UGT1A3: variants seen among roughly 807,000 people sequenced by gnomAD.
The protein encoded by UGT1A3 is UDP glucuronosyltransferase family 1 member A3.
UGT1A3 carries 31 observed loss-of-function variants against 41.0 expected under a neutral mutation model. The observed-to-expected ratio is 0.76, with a 90% CI of 0.57 to 1.02. UGT1A3 has a LOEUF of 1.02. Ranked by LOEUF, UGT1A3 falls within the 50% of genes least tolerant of loss-of-function variation. The pLI is 0.00. For synonymous variants in UGT1A3, 262 were observed against 257.6 expected (o/e 1.02, Z -0.17); for missense variants, 737 against 671.0 (o/e 1.10, Z -1.09).
At chr2:233,757,782 T>A (rs935250846) in intron 1 of UGT1A3, among the ~76,000 whole-genome samples, 4 of 151,680 alleles carry the variant, frequency 2.6e-5, no homozygotes, top group Admixed American at 6.6e-5. Context: ...AGCCTGTCAT[T>A]CTGATTTGAT....
At chr2:233,749,028 G>A (rs564218690) in intron 1 of UGT1A3, among the ~76,000 whole-genome samples, 2 of 151,604 alleles carry the variant, frequency 1.3e-5, no homozygotes, top group Non-Finnish European at 2.9e-5. Flanking sequence ...AATATTTGGG[G>A]TTCATTGATG....
chr2:233,767,305 GT>G (rs1444114295), intron 2 of UGT1A3, 140 bp downstream of exon 2: 24 of 1,519,088 alleles, frequency 1.6e-5, no homozygotes, highest in Middle Eastern at 1.8e-4. Context: ...TAATCCAAAG[GT>G]TTTTTTTGTT....
chr2:233,754,139 A>G (rs1695404241), intron 1 of UGT1A3, among the ~76,000 whole-genome samples: 1 of 152,234 alleles, frequency 6.6e-6, no homozygotes, highest in South Asian at 2.1e-4. Flanking sequence ...ATTAAAAGCC[A>G]TCATTAAATT....
At chr2:233,735,012 T>C (rs1234170278) in intron 1 of UGT1A3, among the ~76,000 whole-genome samples, 1 of 152,238 alleles carries the variant, frequency 6.6e-6, no homozygotes, top group Non-Finnish European at 1.5e-5. Flanking sequence ...TGGAGAGTTC[T>C]GTAGATGTCT....
chr2:233,747,491 G>A, intron 1 of UGT1A3: 2 of 1,608,968 alleles, frequency 1.2e-6, no homozygotes, highest in South Asian at 2.2e-5. Flanking sequence ...ATCGCCTTGT[G>A]CTGGGCCACA....
chr2:233,746,870 G>C (rs544593514), intron 1 of UGT1A3, among the ~76,000 whole-genome samples: 1 of 151,786 alleles, frequency 6.6e-6, no homozygotes, highest in Admixed American at 6.5e-5. Context: ...CCTGATAAAC[G>C]TGGTTAACAG....
In UGT1A3 at chr2:233,757,558, ATATG is replaced by A. The variant is rs1023713263; in HGVS notation, c.868-9472_868-9469del. Among the ~76,000 whole-genome samples, 45 of 124,442 alleles carry A rather than the reference ATATG, an allele frequency of 3.6e-4. 2 individuals are homozygous for A. The highest frequency in any genetic ancestry group is 1.4e-3 in the African/African-American group (42 of 30,270). 81.6% of individuals were successfully genotyped at this position (124,442 alleles called of 152,430 possible). On this transcript the variant is annotated intron_variant, in intron 1 of 4. Coordinates refer to ENST00000482026, the MANE Select transcript of UGT1A3 (RefSeq NM_019093.4). ...GGAATATATATATATATATATATAT[ATATG>A]TATATATGATATAGCTATAGTCTAA...
intron 1 of UGT1A3, among the ~76,000 whole-genome samples, chr2:233,735,706 TG>T (rs200320435): frequency 0.013 from 1,981 of 152,300 alleles, 51 homozygotes; most frequent in African/African-American, 0.046. Context: ...GCAGGCCTGG[TG>T]GTGACAAAAT....
intron 1 of UGT1A3, among the ~76,000 whole-genome samples, chr2:233,737,794 C>T (rs140109342): frequency 3.4e-4 from 51 of 152,152 alleles, no homozygotes; most frequent in African/African-American, 1.2e-3. Flanking sequence ...TGGCTCAAAT[C>T]TTCACTATCA....
In UGT1A3 at chr2:233,729,460, A is replaced by G; in HGVS notation, c.334A>G (p.Arg112Gly). 2 of 1,614,116 alleles carry G rather than the reference A, an allele frequency of 1.2e-6. No individual in the cohort carries two copies. Among genetic ancestry groups the G allele is most frequent in the Non-Finnish European group, 1.7e-6 (2 of 1,179,986 alleles). Residue 112 changes from arginine to glycine, a missense_variant, in exon 1 of 5, where the codon AGA becomes GGA. Physicochemically the swap from Arg to Gly is moderately radical, Grantham distance 125. Transcript: ENST00000482026. Reference protein sequence around the residue: ...ETEHFLKKFFRSMAMLNNMSL... With the variant: ...ETEHFLKKFFGSMAMLNNMSL... ...AGAACATTTTCTGAAGAAATTTTTC[A>G]GAAGTATGGCAATGTTGAACAATAT...
At position 233,772,301 on chromosome 2, in the gene UGT1A3, G is replaced by A. The variant is rs1384880194; in HGVS notation, c.1347G>A (p.Lys449=). ...TCATGCGCCTCTCCAGCCTTCACAA[G>A]GACCGCCCGGTGGAGCCGCTGGACC... ...ENIMRLSSLH[K]DRPVEPLDLA... The change falls in exon 5 of 5, where the codon AAG becomes AAA. Residue 449 remains lysine (K), a synonymous_variant. Transcript: ENST00000482026. The A allele has an allele frequency of 3.7e-6, 6 of 1,614,106 alleles. No individual in the cohort carries two copies. The highest frequency in any genetic ancestry group is 5.1e-6 in the Non-Finnish European group (6 of 1,180,054).
At chr2:233,764,944 G>A (rs994254200) in intron 1 of UGT1A3, among the ~76,000 whole-genome samples, 1 of 152,160 alleles carries the variant, frequency 6.6e-6, no homozygotes, top group South Asian at 2.1e-4. Flanking sequence ...AGAGTGGCGG[G>A]GAGAGAGGGC....
In UGT1A3 at chr2:233,769,917, G is replaced by C. The variant is rs1699982353; in HGVS notation, c.1307+1478G>C. On this transcript the variant is annotated intron_variant, in intron 4 of 4. Transcript: ENST00000482026. The surrounding 1 kb of genome is among the most constrained non-coding windows in gnomAD (Gnocchi z 4.4). ...CTGAGCATCATGTGCCCAGAGCGTT[G>C]GGTGGTGTGGTCCCATTCCTTCCTT... 6.9e-6 allele frequency: 2 copies of C among 288,250 alleles called. No homozygotes were observed. The highest frequency in any genetic ancestry group is 1.3e-5 in the Non-Finnish European group (2 of 154,420). 17.9% of individuals were successfully genotyped at this position (288,250 alleles called of 1,614,324 possible). A position where few individuals can be genotyped will look rare whatever the true frequency, so the allele number is the denominator to read the frequency against.
intron 1 of UGT1A3, chr2:233,754,506 C>A: frequency 2.8e-6 from 1 of 356,440 alleles, no homozygotes; most frequent in South Asian, 2.1e-5. Flanking sequence ...GTCCGCTATT[C>A]CTCCAGATGT....
At chr2:233,762,916 A>C (rs1698195607) in intron 1 of UGT1A3, among the ~76,000 whole-genome samples, 2 of 152,252 alleles carry the variant, frequency 1.3e-5, no homozygotes, top group African/African-American at 4.8e-5. Flanking sequence ...TATTGAATTT[A>C]TTAGAATCTC....
In UGT1A3 at chr2:233,755,401, T is replaced by C. The variant is rs995268070; in HGVS notation, c.868-11633T>C. 43 of 336,532 alleles carry C rather than the reference T, an allele frequency of 1.3e-4. 1 individual carries two copies. The Admixed American group carries it at 1.6e-3, about 13-fold the overall frequency. The allele number at this position is 336,532 out of a possible 1,614,324, so 20.8% of individuals were successfully genotyped here. A position where few individuals can be genotyped will look rare whatever the true frequency, so the allele number is the denominator to read the frequency against. On this transcript the variant is annotated intron_variant, in intron 1 of 4. Transcript: ENST00000482026. ...CCCCTTATGACGCAGCCACATCTCA[T>C]TGGCCGAGGCCTGTGAGCGCCTCGC...
intron 1 of UGT1A3, among the ~76,000 whole-genome samples, chr2:233,756,677 T>A (rs1198081671): frequency 1.3e-5 from 2 of 152,198 alleles, no homozygotes; most frequent in African/African-American, 4.8e-5. Flanking sequence ...CCGCTAGAAC[T>A]GCTATATAAT....
chr2:233,772,145 G>A, intron 4 of UGT1A3, 117 bp from the exon 5 acceptor site: 1 of 1,552,040 alleles, frequency 6.4e-7, no homozygotes, highest in Non-Finnish European at 8.7e-7. Flanking sequence ...AATAGAAACA[G>A]GTTTCCTTTC....
Position 233,768,353 on chromosome 2 carries a change from T to C in UGT1A3, c.1221T>C (p.Thr407=). The change falls in exon 4 of 5, where the codon ACT becomes ACC. Residue 407 remains threonine, a synonymous_variant. Coordinates refer to ENST00000482026, the MANE Select transcript of UGT1A3 (RefSeq NM_019093.4). ...TGGACAATGCAAAGCGCATGGAGAC[T>C]AAGGGAGCTGGAGTGACCCTGAATG... is the stretch of plus-strand genomic sequence containing the variant. ...DQMDNAKRME[T]KGAGVTLNVL... is the part of the protein sequence containing the mutation. 6.2e-7 allele frequency: 1 copy of C among 1,614,150 alleles called. No individual in the cohort carries two copies. The highest frequency in any genetic ancestry group is 1.1e-5 in the South Asian group (1 of 91,082).
Sources: allele counts gnomAD v4.1 joint callset (sites outside exome capture counted in the v4.1 genomes callset), GRCh38; gene constraint gnomAD v4.1.1; non-coding constraint Gnocchi (gnomAD v3.1); transcripts MANE v1.5; gene names NCBI Gene and HGNC (gene_info 2026-07-23, HGNC 2026-07-21).